SSB: variants seen among roughly 807,000 people sequenced by gnomAD.
SSB encodes small RNA binding exonuclease protection factor La.
Under a neutral mutation model 52.9 loss-of-function variants are expected in SSB, and 17 were observed. The ratio of observed to expected loss-of-function variants is 0.32; its 90% CI spans 0.22 to 0.48. The LOEUF (loss-of-function observed/expected upper bound fraction) is 0.48, where lower values mean the gene tolerates loss of function less well. Among genes scored for constraint, SSB ranks in the 20% least tolerant of loss-of-function variants. The pLI is 0.99. For synonymous variants in SSB, 111 were observed against 152.1 expected (o/e 0.73, Z 1.99); for missense variants, 314 against 463.6 (o/e 0.68, Z 2.96).
chr2:169,800,767 C>G (rs1689696605), intron 1 of SSB, among the ~76,000 whole-genome samples, 185 bp from the exon 2 acceptor site: 1 of 152,054 alleles, frequency 6.6e-6, no homozygotes, highest in African/African-American at 2.4e-5. Context: ...TAGATTTTTT[C>G]ATCACTTATT....
chr2:169,805,056 G>C (rs1689799415), intron 2 of SSB, among the ~76,000 whole-genome samples: 1 of 152,112 alleles, frequency 6.6e-6, no homozygotes, highest in Non-Finnish European at 1.5e-5. Flanking sequence ...CTTGAACCTG[G>C]GAAGCGGAGG....
Position 169,809,859 on chromosome 2 carries a change from G to A in SSB, c.670-424G>A, listed in dbSNP as rs144463092. Among the ~76,000 whole-genome samples, 124 of 151,920 alleles carry A rather than the reference G, an allele frequency of 8.2e-4. No individual in the cohort carries two copies. The East Asian group carries it at 0.019, about 23-fold the overall frequency. The stretch of plus-strand genomic sequence containing the variant: ...TCTCGATCTCTTGACCTGGTGATCC[G>A]CCTGCCTCGGCCTCCCAAAGTGCTG... On this transcript the variant is annotated intron_variant, in intron 8 of 11. Coordinates refer to ENST00000260956, the MANE Select transcript of SSB (RefSeq NM_003142.5).
chr2:169,800,146 G>C (rs747450217), intron 1 of SSB, among the ~76,000 whole-genome samples: 11 of 152,174 alleles, frequency 7.2e-5, no homozygotes, highest in African/African-American at 1.2e-4. Context: ...CCTTAGCATA[G>C]AGTATCTAAG....
At chr2:169,808,829 A>C (rs754198408) in intron 7 of SSB, 31 bp from the exon 8 acceptor site, 1 of 1,479,626 alleles carries the variant, frequency 6.8e-7, no homozygotes, top group East Asian at 2.3e-5. Flanking sequence ...TAGTAAATAG[A>C]AGTATGTTAT....
At position 169,810,910 on chromosome 2, in the gene SSB, A is replaced by T; in HGVS notation, c.863A>T (p.Asp288Val). ...KAKEALGKAK[D>V]ANNGNLQLRN... Reference sequence around the variant, plus strand: ...AAGGAAGCATTGGGTAAAGCCAAAGATGCAAATAATGGTAACCTACAATTA... The same window carrying T: ...AAGGAAGCATTGGGTAAAGCCAAAGTTGCAAATAATGGTAACCTACAATTA... The change falls in exon 10 of 12, where the codon GAT becomes GTT. Residue 288 changes from aspartate to valine, a missense_variant. Physicochemically the swap from Asp to Val is radical, Grantham distance 152 (BLOSUM62 -3). Transcript: ENST00000260956. 1 of 1,613,538 alleles carries T rather than the reference A, an allele frequency of 6.2e-7. No individual in the cohort carries two copies. Among genetic ancestry groups the T allele is most frequent in the Non-Finnish European group, 8.5e-7 (1 of 1,179,706 alleles).
intron 2 of SSB, 117 bp downstream of exon 2, chr2:169,801,143 T>TATAATATCATATATCTAAGCATATATATA: frequency 5.2e-6 from 4 of 768,780 alleles, no homozygotes; most frequent in Non-Finnish European, 8.0e-6. Flanking sequence ...GATTCTTAGA[T>TATAATATCATATATCTAAGCATATATATA]GAACATATAA....
chr2:169,806,154 C>T (rs937385342), intron 4 of SSB: 7 of 321,928 alleles, frequency 2.2e-5, no homozygotes, highest in Admixed American at 1.4e-4. Flanking sequence ...TTTGTAGAGA[C>T]GGGTCTTCCT....
chr2:169,809,773 C>T (rs776770878), intron 8 of SSB, among the ~76,000 whole-genome samples: 9 of 151,284 alleles, frequency 5.9e-5, no homozygotes, highest in Middle Eastern at 6.4e-3. Flanking sequence ...CCACCACGTC[C>T]GGCTAATTTT....
chr2:169,807,585 A>G (rs1689854511), intron 6 of SSB, among the ~76,000 whole-genome samples: 1 of 152,158 alleles, frequency 6.6e-6, no homozygotes. Flanking sequence ...CACTGCGCCC[A>G]GCCACTGTTA....
intron 4 of SSB, 132 bp downstream of exon 4, chr2:169,805,971 C>G (rs754131098): frequency 4.8e-5 from 48 of 1,006,166 alleles, no homozygotes; most frequent in Non-Finnish European, 6.7e-5. Flanking sequence ...ACCTAAGTTT[C>G]TTTTGTTTTG....
At chr2:169,804,877 C>A (rs1164456702) in intron 2 of SSB, among the ~76,000 whole-genome samples, 1 of 152,108 alleles carries the variant, frequency 6.6e-6, no homozygotes, top group African/African-American at 2.4e-5. Context: ...GTGGCTCATG[C>A]CTGCAATCCC....
At chr2:169,810,161 C>A in intron 8 of SSB, 122 bp from the exon 9 acceptor site, 1 of 534,300 alleles carries the variant, frequency 1.9e-6, no homozygotes, top group Non-Finnish European at 3.0e-6. Flanking sequence ...GCGGAAGAAA[C>A]TACTTTAAAA....
At chr2:169,805,138 A>G (rs534177465) in intron 2 of SSB, among the ~76,000 whole-genome samples, 2 of 152,136 alleles carry the variant, frequency 1.3e-5, no homozygotes, top group Non-Finnish European at 2.9e-5. Context: ...TCAAAAAAAA[A>G]TAAGAATTGA....
At chr2:169,805,402 T>C (rs3754914) in intron 2 of SSB, 72 bp from the exon 3 acceptor site, 73,155 of 1,068,386 alleles carry the variant, frequency 0.068, 2,862 homozygotes, top group Non-Finnish European at 0.08. Context: ...CAGAACTTGG[T>C]ACTGTAGAGT....
At chr2:169,807,513 T>G (rs1279779483) in intron 6 of SSB, among the ~76,000 whole-genome samples, 1 of 152,166 alleles carries the variant, frequency 6.6e-6, no homozygotes, top group Non-Finnish European at 1.5e-5. Flanking sequence ...GGTCTTGAAC[T>G]CCTGACTTCA....
intron 2 of SSB, among the ~76,000 whole-genome samples, chr2:169,802,430 T>G (rs1689731712): frequency 6.6e-6 from 1 of 151,720 alleles, no homozygotes; most frequent in Non-Finnish European, 1.5e-5. Context: ...TTTTTTTTTT[T>G]AAGCTGCACG....
At position 169,811,917 on chromosome 2, in the gene SSB, AT is replaced by A; in HGVS notation, c.*164del. 6.5e-7 allele frequency: 1 copy of A among 1,540,458 alleles called. No individual in the cohort carries two copies. The highest frequency in any genetic ancestry group is 8.9e-7 in the Non-Finnish European group (1 of 1,119,274). On this transcript the variant is annotated 3_prime_UTR_variant, in exon 12 of 12. Coordinates refer to ENST00000260956, the MANE Select transcript of SSB (RefSeq NM_003142.5). ...CTTGTCTTTTTGTTATGCAAATGAGATTTCTTTGAATGTATTGTTCTGTTTG... is the reference window on the plus strand; with the variant it reads ...CTTGTCTTTTTGTTATGCAAATGAGATTCTTTGAATGTATTGTTCTGTTTG...
At position 169,798,872 on chromosome 2, in the gene SSB, T is replaced by G. The variant is rs1689638478; in HGVS notation, c.-114T>G. ...GCAAGAGCTGCCGGGACGGTCCCCA[T>G]CTTCTTGGAGCGCTTTAGGCTGGCC... is the stretch of plus-strand genomic sequence containing the variant. On this transcript the variant is annotated 5_prime_UTR_variant, in exon 1 of 12. Transcript: ENST00000260956. 6.6e-6 allele frequency: 1 copy of G among 152,156 alleles called. No individual in the cohort carries two copies. The highest frequency in any genetic ancestry group is 2.4e-5 in the African/African-American group (1 of 41,424). 9.4% of individuals were successfully genotyped at this position (152,156 alleles called of 1,614,324 possible). A position where few individuals can be genotyped will look rare whatever the true frequency, so the allele number is the denominator to read the frequency against.
chr2:169,803,566 TA>T (rs1303407780), intron 2 of SSB, among the ~76,000 whole-genome samples: 1 of 151,898 alleles, frequency 6.6e-6, no homozygotes. Flanking sequence ...TTATAATTTT[TA>T]AAAAAATCAT....
Sources: allele counts gnomAD v4.1 joint callset (sites outside exome capture counted in the v4.1 genomes callset), GRCh38; gene constraint gnomAD v4.1.1; transcripts MANE v1.5; gene names NCBI Gene and HGNC (gene_info 2026-07-23, HGNC 2026-07-21).